CNTN5: variants seen among roughly 807,000 people sequenced by gnomAD.
CNTN5 encodes contactin-5.
Under a neutral mutation model 129.1 loss-of-function variants are expected in CNTN5, and 77 were observed. The observed-to-expected ratio is 0.60, with a 90% CI of 0.50 to 0.72. The LOEUF (loss-of-function observed/expected upper bound fraction) is 0.72. Ranked by LOEUF, CNTN5 falls within the 30% of genes least tolerant of loss-of-function variation. CNTN5 has a pLI of 0.00. For synonymous variants in CNTN5, 509 were observed against 465.6 expected (o/e 1.09, Z -1.20); for missense variants, 1,478 against 1,328.8 (o/e 1.11, Z -1.75).
intron 1 of CNTN5, among the ~76,000 whole-genome samples, chr11:99,198,381 C>A (rs1377609491): frequency 6.6e-6 from 1 of 152,106 alleles, no homozygotes; most frequent in African/African-American, 2.4e-5. Context: ...GTTTGCAGTA[C>A]TGTGACCCTA....
At chr11:99,625,007 C>T (rs1197820845) in intron 3 of CNTN5, among the ~76,000 whole-genome samples, 1 of 152,176 alleles carries the variant, frequency 6.6e-6, no homozygotes, top group Non-Finnish European at 1.5e-5. Context: ...GTTTTGTTTA[C>T]CATGTGGTGA....
intron 3 of CNTN5, among the ~76,000 whole-genome samples, chr11:99,795,601 T>C (rs1342037889): frequency 6.6e-6 from 1 of 151,784 alleles, no homozygotes; most frequent in Non-Finnish European, 1.5e-5. Flanking sequence ...TTTTTTTTTT[T>C]GTATTTATCT....
At chr11:99,398,134 G>A (rs1415401740) in intron 2 of CNTN5, among the ~76,000 whole-genome samples, 2 of 151,726 alleles carry the variant, frequency 1.3e-5, no homozygotes, top group East Asian at 1.9e-4. Flanking sequence ...AGTTACACAT[G>A]GATTGTGATT....
At chr11:99,412,200 T>C (rs547879096) in intron 2 of CNTN5, among the ~76,000 whole-genome samples, 2 of 152,338 alleles carry the variant, frequency 1.3e-5, no homozygotes, top group South Asian at 4.1e-4. Context: ...TTTCAGAGTT[T>C]ATAGAATATT....
At chr11:99,731,512 A>G (rs556904598) in intron 3 of CNTN5, among the ~76,000 whole-genome samples, 1 of 152,154 alleles carries the variant, frequency 6.6e-6, no homozygotes, top group Non-Finnish European at 1.5e-5. Context: ...TTACCCTTAA[A>G]TTAAGCCCTT....
intron 1 of CNTN5, among the ~76,000 whole-genome samples, chr11:99,118,304 T>G (rs962828732): frequency 7.2e-5 from 11 of 152,196 alleles, no homozygotes; most frequent in African/African-American, 2.7e-4. Context: ...ATTTTAATTT[T>G]ATTATACATT....
intron 1 of CNTN5, among the ~76,000 whole-genome samples, chr11:99,118,426 C>T (rs1322353299): frequency 6.6e-6 from 1 of 151,926 alleles, no homozygotes; most frequent in Admixed American, 6.6e-5. Flanking sequence ...TTAATCAGTA[C>T]ACATTGGAGA....
chr11:99,399,768 A>T lies in CNTN5; in HGVS notation c.-71+74284A>T, dbSNP rs571161475. ...TTTTTTAGTTGTTCAATTATAAAAA[A>T]CTTTGATTCTCTCAGATATTTGTTA... On this transcript the variant is annotated intron_variant, in intron 2 of 24. Transcript: ENST00000524871. Among the ~76,000 whole-genome samples the T allele has an allele frequency of 2.1e-3, 312 of 151,714 alleles. 1 individual carries two copies. Among genetic ancestry groups the T allele is most frequent in the South Asian group, 4.0e-3 (19 of 4,800 alleles).
intron 20 of CNTN5, among the ~76,000 whole-genome samples, chr11:100,307,989 T>C (rs1951391515): frequency 6.6e-6 from 1 of 151,674 alleles, no homozygotes; most frequent in South Asian, 2.1e-4. Context: ...ATAAATGTTT[T>C]AAGGCCAAAA....
chr11:99,997,198 T>G (rs1021869826), intron 8 of CNTN5, among the ~76,000 whole-genome samples: 9 of 152,198 alleles, frequency 5.9e-5, no homozygotes, highest in Admixed American at 6.5e-5. Context: ...GCTCCTGGAT[T>G]CATTAACTTT....
At chr11:99,046,497 G>C (rs1462956544) in intron 1 of CNTN5, among the ~76,000 whole-genome samples, 1 of 152,044 alleles carries the variant, frequency 6.6e-6, no homozygotes, top group Non-Finnish European at 1.5e-5. Flanking sequence ...AGTATTTATA[G>C]ATTTTGTTAC....
intron 1 of CNTN5, among the ~76,000 whole-genome samples, chr11:99,071,648 T>G (rs1390056718): frequency 6.6e-6 from 1 of 152,172 alleles, no homozygotes; most frequent in Non-Finnish European, 1.5e-5. Flanking sequence ...CATATATATT[T>G]GCCCTATAAA....
rs547518178 is a variant in CNTN5, at chr11:100,072,342, A to G, written c.1429+508A>G. Among the ~76,000 whole-genome samples, 10 of 152,324 alleles carry G rather than the reference A, an allele frequency of 6.6e-5. No homozygotes were observed. The South Asian group carries it at 1.9e-3, about 28-fold the overall frequency. On this transcript the variant is annotated intron_variant, in intron 12 of 24. Transcript: ENST00000524871. Reference sequence around the variant, plus strand: ...TTACTTAACAGGGAAAGGCTTCCTGATGCCAGGCACTACAATCTCATAGGG... The same window carrying G: ...TTACTTAACAGGGAAAGGCTTCCTGGTGCCAGGCACTACAATCTCATAGGG...
At chr11:99,047,801 T>A (rs1331077310) in intron 1 of CNTN5, among the ~76,000 whole-genome samples, 1 of 152,104 alleles carries the variant, frequency 6.6e-6, no homozygotes. Context: ...CTGTGACTCC[T>A]GTGTCAAATA....
At chr11:100,033,735 T>C (rs1235823724) in intron 9 of CNTN5, among the ~76,000 whole-genome samples, 2 of 152,220 alleles carry the variant, frequency 1.3e-5, no homozygotes, top group African/African-American at 2.4e-5. Flanking sequence ...ACTATAATTG[T>C]ATTTTCCCTA....
At chr11:99,512,330 G>A (rs1465797579) in intron 2 of CNTN5, among the ~76,000 whole-genome samples, 1 of 152,150 alleles carries the variant, frequency 6.6e-6, no homozygotes, top group Non-Finnish European at 1.5e-5. Context: ...GGAGCAGCAG[G>A]CTATGTCCCA....
At chr11:99,170,414 A>G (rs17133189) in intron 1 of CNTN5, among the ~76,000 whole-genome samples, 36,559 of 151,996 alleles carry the variant, frequency 0.24, 4,512 homozygotes, top group Middle Eastern at 0.27. Context: ...TGTAATTTGC[A>G]AGATGTCTAA....
chr11:99,276,093 T>A (rs1011303608), intron 1 of CNTN5, among the ~76,000 whole-genome samples: 22 of 151,632 alleles, frequency 1.5e-4, no homozygotes, highest in Non-Finnish European at 3.0e-4. Flanking sequence ...CTCTCACAAG[T>A]TCTTCAATAT....
chr11:100,188,248 A>G (rs1304402223), intron 13 of CNTN5, among the ~76,000 whole-genome samples: 1 of 152,190 alleles, frequency 6.6e-6, no homozygotes, highest in East Asian at 1.9e-4. Context: ...GTTCAAGACC[A>G]GACTGACCAA....
Sources: gnomAD v4.1 joint callset for allele counts (sites outside exome capture counted in the v4.1 genomes callset) on GRCh38, gnomAD v4.1.1 for gene constraint, MANE v1.5 for transcripts, NCBI Gene and HGNC (gene_info 2026-07-23, HGNC 2026-07-21) for gene names.